Variants in AKT2 observed in about 807,000 individuals in gnomAD.
AKT2 encodes the protein AKT serine/threonine kinase 2.
Under a neutral mutation model 58.6 loss-of-function variants are expected in AKT2, and 16 were observed. The ratio of observed to expected loss-of-function variants is 0.27; its 90% CI spans 0.18 to 0.41. AKT2 has a LOEUF of 0.41. AKT2 is among the 10% of genes least tolerant of loss of function. AKT2 has a pLI of 1.00. For missense variants in AKT2, 438 were observed against 661.0 expected, an observed-to-expected ratio of 0.66 and a Z score of 3.70; for synonymous variants, 253 against 254.0, an observed-to-expected ratio of 1.00 and a Z score of 0.04.
rs573766080 is a variant in AKT2, at chr19:40,238,432, A to C, written c.709-341T>G. Among the ~76,000 whole-genome samples the C allele has an allele frequency of 2.6e-5, 4 of 152,322 alleles. No homozygotes were observed. The South Asian group carries it at 8.3e-4, about 32-fold the overall frequency. On this transcript the variant is annotated intron_variant, in intron 8 of 13. Coordinates refer to ENST00000392038, the MANE Select transcript of AKT2 (RefSeq NM_001626.6). This position sits in a 1 kb window ranked among gnomAD's most constrained non-coding sequence, Gnocchi z 5.1. ...GATCAGACAGATGAGCAAACCACGC[A>C]TCCCAAAGCAGGTGTGCCAACCACT... is the stretch of plus-strand genomic sequence containing the variant.
Position 40,233,812 on chromosome 19 carries a change from G to T in AKT2, c.*60C>A. The T allele has an allele frequency of 6.4e-7, 1 of 1,561,582 alleles. No individual in the cohort carries two copies. On this transcript the variant is annotated 3_prime_UTR_variant, in exon 14 of 14. Coordinates refer to ENST00000392038, the MANE Select transcript of AKT2 (RefSeq NM_001626.6). This position sits in a 1 kb window ranked among gnomAD's most constrained non-coding sequence, Gnocchi z 4.3. ...CAAAAAGGCTAAGTAAAAAGTTAGGGGGAAAAAACCACCCAGCGGTGATGG... is the reference window on the plus strand; with the variant it reads ...CAAAAAGGCTAAGTAAAAAGTTAGGTGGAAAAAACCACCCAGCGGTGATGG...
chr19:40,257,162 G>T, intron 2 of AKT2, 108 bp from the exon 3 acceptor site: 1 of 1,433,328 alleles, frequency 7.0e-7, no homozygotes, highest in Non-Finnish European at 9.7e-7. Flanking sequence ...GGGTACCACG[G>T]GGCGGGGAGG....
intron 1 of AKT2, chr19:40,275,429 C>A: frequency 2.5e-6 from 1 of 407,064 alleles, no homozygotes; most frequent in Non-Finnish European, 5.1e-6. Context: ...AGTGAGCACT[C>A]ACAAAGCACC....
intron 1 of AKT2, among the ~76,000 whole-genome samples, chr19:40,276,767 G>GGCGTGTAAT (rs971108537): frequency 2.6e-5 from 4 of 152,144 alleles, no homozygotes; most frequent in African/African-American, 9.7e-5. Flanking sequence ...TGTAATCCCA[G>GGCGTGTAAT]CACTTTGGGA....
In AKT2 at chr19:40,255,178, G is replaced by A. The variant is rs532495668; in HGVS notation, c.267C>T (p.His89=). 2.6e-5 allele frequency: 42 copies of A among 1,613,884 alleles called. No homozygotes were observed. Among genetic ancestry groups the A allele is most frequent in the African/African-American group, 9.3e-5 (7 of 74,936 alleles). The change falls in exon 4 of 14, where the codon CAC becomes CAT. Residue 89 remains histidine (H), a synonymous_variant. Transcript: ENST00000392038. ...CTGACCTCTCGTCTGGAGAATCCAC[G>A]TGGAAGGTCCTCTCGATGACTGTGG... ...QWTTVIERTF[H]VDSPDEREEW...
Position 40,285,331 on chromosome 19 carries a change from A to AT in AKT2, c.-236_-235insA, listed in dbSNP as rs1161771213. ...GCGACGCCTCCTCCGAGGCAGGCCC[A>AT]ACGGCTAGCACGGCGCGGCCCCCCC... On this transcript the variant is annotated 5_prime_UTR_variant, in exon 1 of 14. It adds an upstream start codon to the 5' untranslated region. Coordinates refer to ENST00000392038, the MANE Select transcript of AKT2 (RefSeq NM_001626.6). The AT allele has an allele frequency of 5.1e-6, 2 of 392,240 alleles. No individual in the cohort carries two copies. Among genetic ancestry groups the AT allele is most frequent in the Admixed American group, 8.9e-5 (2 of 22,454 alleles). The allele number at this position is 392,240 out of a possible 1,614,324, so 24.3% of individuals were successfully genotyped here. A position where few individuals can be genotyped will look rare whatever the true frequency, so the allele number is the denominator to read the frequency against.
At chr19:40,257,586 A>AC (rs1975628781) in intron 2 of AKT2, among the ~76,000 whole-genome samples, 10 of 146,116 alleles carry the variant, frequency 6.8e-5, no homozygotes, top group South Asian at 2.2e-4. Context: ...TATGCACACA[A>AC]ACACACACAC....
chr19:40,241,848 G>A, intron 6 of AKT2, 90 bp downstream of exon 6: 1 of 1,580,752 alleles, frequency 6.3e-7, no homozygotes, highest in Non-Finnish European at 8.6e-7. Context: ...CACAGCAGCA[G>A]AAAGCGCGGG....
rs948703132 is a variant in AKT2, at chr19:40,234,134, C to A, written c.1367-183G>T. ...CCACTCCCCAAACCTGAGCCCCGGG[C>A]GGCCTCCTCTGGGAGTTTCCTGTGC... On this transcript the variant is annotated intron_variant, in intron 13 of 13. Coordinates refer to ENST00000392038, the MANE Select transcript of AKT2 (RefSeq NM_001626.6). This position sits in a 1 kb window ranked among gnomAD's most constrained non-coding sequence, Gnocchi z 4.7. Among the ~76,000 whole-genome samples, 8 of 152,166 alleles carry A rather than the reference C, an allele frequency of 5.3e-5. No individual in the cohort carries two copies. The highest frequency in any genetic ancestry group is 1.2e-4 in the Non-Finnish European group (8 of 68,014).
At position 40,233,745 on chromosome 19, in the gene AKT2, G is replaced by A. The variant is rs1366783531; in HGVS notation, c.*127C>T. 76 of 861,656 alleles carry A rather than the reference G, an allele frequency of 8.8e-5. No individual in the cohort carries two copies. The highest frequency in any genetic ancestry group is 1.3e-4 in the Non-Finnish European group (70 of 544,682). 53.4% of individuals were successfully genotyped at this position (861,656 alleles called of 1,614,324 possible). On this transcript the variant is annotated 3_prime_UTR_variant, in exon 14 of 14. Coordinates refer to ENST00000392038, the MANE Select transcript of AKT2 (RefSeq NM_001626.6). This position sits in a 1 kb window ranked among gnomAD's most constrained non-coding sequence, Gnocchi z 4.3. ...GTGCGTCTGGGAGGGGCCTGAAGAA[G>A]AACTGGAAAGGGGGTGAGGAGGTGG...
intron 4 of AKT2, among the ~76,000 whole-genome samples, chr19:40,247,806 A>G (rs1458875660): frequency 6.6e-6 from 1 of 152,130 alleles, no homozygotes; most frequent in Non-Finnish European, 1.5e-5. Context: ...CTAAAATGAC[A>G]AGACCGAAGC....
intron 1 of AKT2, among the ~76,000 whole-genome samples, chr19:40,267,904 C>T (rs151239551): frequency 6.6e-6 from 1 of 151,998 alleles, no homozygotes; most frequent in Non-Finnish European, 1.5e-5. Flanking sequence ...GCTTGGTGTG[C>T]GGGACTTGCG....
Position 40,254,838 on chromosome 19 carries a change from GA to G in AKT2, c.287+319del, listed in dbSNP as rs796627417. On this transcript the variant is annotated intron_variant, in intron 4 of 13. Transcript: ENST00000392038. Reference sequence around the variant, plus strand: ...GCAATAAGAGCGAAACTCCATTTCAGAAAAAAAAAAAAGAATGTAGCTCCCT... The same window carrying G: ...GCAATAAGAGCGAAACTCCATTTCAGAAAAAAAAAAAGAATGTAGCTCCCT... 0.026 allele frequency among the ~76,000 whole-genome samples: 3,634 copies of G among 142,372 alleles called. 137 individuals carry two copies. The highest frequency in any genetic ancestry group is 0.082 in the African/African-American group (3,220 of 39,140). 93.4% of individuals were successfully genotyped at this position (142,372 alleles called of 152,430 possible). A position where few individuals can be genotyped will look rare whatever the true frequency, so the allele number is the denominator to read the frequency against.
intron 2 of AKT2, among the ~76,000 whole-genome samples, chr19:40,257,481 C>T (rs1975619981): frequency 6.6e-6 from 1 of 152,172 alleles, no homozygotes; most frequent in African/African-American, 2.4e-5. Context: ...AATGCCAAAA[C>T]ACTTCTGTGC....
chr19:40,236,133 G>A (rs1974010757), intron 10 of AKT2, 29 bp from the exon 11 acceptor site: 1 of 1,613,614 alleles, frequency 6.2e-7, no homozygotes, highest in Non-Finnish European at 8.5e-7. Flanking sequence ...TGAGGGCTGG[G>A]CCCGTGGCCC....
At position 40,239,898 on chromosome 19, in the gene AKT2, G is replaced by A. The variant is rs1346423424; in HGVS notation, c.639+147C>T. ...TCACCCCCACCACATGTCTTGGTTC[G>A]GATGACTTGGCAGGGCGCAGCAACA... is the stretch of plus-strand genomic sequence containing the variant. On this transcript the variant is annotated intron_variant, in intron 7 of 13. Coordinates refer to ENST00000392038, the MANE Select transcript of AKT2 (RefSeq NM_001626.6). 1.3e-5 allele frequency: 13 copies of A among 977,162 alleles called. No individual in the cohort carries two copies. In the East Asian group the frequency reaches 1.7e-4, roughly 13 times the overall value. The allele number at this position is 977,162 out of a possible 1,614,324, so 60.5% of individuals were successfully genotyped here.
At chr19:40,282,863 GT>G (rs531230484) in intron 1 of AKT2, 33 of 184,532 alleles carry the variant, frequency 1.8e-4, no homozygotes, top group African/African-American at 7.4e-4. Context: ...CACTCCTCCA[GT>G]TTCTCCTTGA....
At chr19:40,257,147 A>C (rs1975597221) in intron 2 of AKT2, 93 bp from the exon 3 acceptor site, 1 of 1,510,518 alleles carries the variant, frequency 6.6e-7, no homozygotes, top group Admixed American at 1.7e-5. Flanking sequence ...ACGGTGACTC[A>C]CAAGGGGTAC....
chr19:40,259,419 A>G (rs1018998233), intron 2 of AKT2, among the ~76,000 whole-genome samples: 1 of 152,204 alleles, frequency 6.6e-6, no homozygotes, highest in Admixed American at 6.5e-5. Flanking sequence ...TTCACACTGT[A>G]AACCATATAC....
Sources: allele counts gnomAD v4.1 joint callset (sites outside exome capture counted in the v4.1 genomes callset), GRCh38; gene constraint gnomAD v4.1.1; non-coding constraint Gnocchi (gnomAD v3.1); transcripts MANE v1.5; gene names NCBI Gene and HGNC (gene_info 2026-07-23, HGNC 2026-07-21).